GNAZ: variants seen among roughly 807,000 people sequenced by gnomAD.
GNAZ encodes the protein G protein subunit alpha z.
A neutral mutation model predicts 25.4 loss-of-function variants in GNAZ; 3 were observed. That is an observed-to-expected ratio of 0.12 (90% CI 0.05 to 0.30). The LOEUF is 0.30. Ranked by LOEUF, GNAZ falls within the 10% of genes least tolerant of loss-of-function variation. The pLI is 1.00. For synonymous variants in GNAZ, 211 were observed against 205.7 expected, an observed-to-expected ratio of 1.03 and a Z score of -0.22; for missense variants, 241 against 501.8, an observed-to-expected ratio of 0.48 and a Z score of 4.97.
intron 2 of GNAZ, among the ~76,000 whole-genome samples, chr22:23,099,211 C>G (rs891043868): frequency 2.0e-5 from 3 of 152,268 alleles, no homozygotes; most frequent in Non-Finnish European, 4.4e-5. Flanking sequence ...TGTCTCTGGG[C>G]TCCCGGGTGT....
intron 2 of GNAZ, among the ~76,000 whole-genome samples, chr22:23,104,999 C>T (rs533350907): frequency 3.3e-5 from 5 of 152,354 alleles, no homozygotes; most frequent in Admixed American, 6.5e-5. Flanking sequence ...TTAGGCCAGC[C>T]CAGGAGCCTG....
intron 2 of GNAZ, among the ~76,000 whole-genome samples, chr22:23,101,125 C>T (rs1158910214): frequency 6.6e-6 from 1 of 152,100 alleles, no homozygotes; most frequent in African/African-American, 2.4e-5. Context: ...CAGATGATAC[C>T]CTCTCCCCAG....
chr22:23,119,609 G>A (rs1189314891), intron 2 of GNAZ, among the ~76,000 whole-genome samples: 1 of 152,182 alleles, frequency 6.6e-6, no homozygotes, highest in Non-Finnish European at 1.5e-5. Flanking sequence ...TTACAGGATG[G>A]GCACCCACCA....
At chr22:23,093,555 G>A (rs765477469) in intron 1 of GNAZ, among the ~76,000 whole-genome samples, 8 of 152,288 alleles carry the variant, frequency 5.3e-5, no homozygotes, top group Middle Eastern at 3.4e-3. Context: ...GCAAGGTGAC[G>A]CTCACAGCGA....
At chr22:23,099,858 C>T (rs1179636571) in intron 2 of GNAZ, among the ~76,000 whole-genome samples, 1 of 152,260 alleles carries the variant, frequency 6.6e-6, no homozygotes, top group Non-Finnish European at 1.5e-5. Flanking sequence ...GGTCTTCACT[C>T]GGCCCCACTG....
chr22:23,101,842 A>T (rs2069310436), intron 2 of GNAZ, among the ~76,000 whole-genome samples: 1 of 152,194 alleles, frequency 6.6e-6, no homozygotes, highest in Non-Finnish European at 1.5e-5. Flanking sequence ...TGGGAGACAC[A>T]GAGGACCAAG....
chr22:23,091,877 G>T (rs1036227198), intron 1 of GNAZ, among the ~76,000 whole-genome samples: 4 of 152,138 alleles, frequency 2.6e-5, no homozygotes, highest in Non-Finnish European at 5.9e-5. Flanking sequence ...CTCTCCCTCA[G>T]TCCAGCCACT....
chr22:23,099,561 C>G (rs530929735), intron 2 of GNAZ, among the ~76,000 whole-genome samples: 2 of 152,336 alleles, frequency 1.3e-5, no homozygotes, highest in Middle Eastern at 3.4e-3. Flanking sequence ...TGTCACAGAT[C>G]GAGGCACTGA....
chr22:23,071,245 G>A lies in GNAZ; in HGVS notation c.-450+675G>A, dbSNP rs970920129. On this transcript the variant is annotated intron_variant, in intron 1 of 2. Coordinates refer to ENST00000615612, the MANE Select transcript of GNAZ (RefSeq NM_002073.4). This position sits in a 1 kb window ranked among gnomAD's most constrained non-coding sequence, Gnocchi z 4.1. ...GGGGGAGGGGAGTGAGGGCCTCAGG[G>A]CTGGCGCTCCGTATCCTGCGGGCGA... is the stretch of plus-strand genomic sequence containing the variant. 6.6e-6 allele frequency among the ~76,000 whole-genome samples: 1 copy of A among 152,180 alleles called. No homozygotes were observed. Among genetic ancestry groups the A allele is most frequent in the Non-Finnish European group, 1.5e-5 (1 of 68,026 alleles).
At chr22:23,118,413 G>A (rs552667469) in intron 2 of GNAZ, among the ~76,000 whole-genome samples, 2 of 152,354 alleles carry the variant, frequency 1.3e-5, no homozygotes, top group African/African-American at 2.4e-5. Flanking sequence ...ATGGGCACTG[G>A]AGCCCTGGGC....
intron 1 of GNAZ, among the ~76,000 whole-genome samples, chr22:23,091,640 A>G (rs2068982807): frequency 1.3e-5 from 2 of 152,188 alleles, no homozygotes. Context: ...ACCTGCATAC[A>G]CACTGGCACC....
chr22:23,114,405 C>T (rs963051372), intron 2 of GNAZ, among the ~76,000 whole-genome samples: 1 of 152,226 alleles, frequency 6.6e-6, no homozygotes, highest in African/African-American at 2.4e-5. Context: ...CCACCCTTCC[C>T]AGCAATGCGG....
chr22:23,080,850 C>T (rs529699712), intron 1 of GNAZ, among the ~76,000 whole-genome samples: 1 of 152,352 alleles, frequency 6.6e-6, no homozygotes, highest in East Asian at 1.9e-4. Flanking sequence ...CCTCTGTCAT[C>T]AGCACTCACT....
intron 2 of GNAZ, among the ~76,000 whole-genome samples, chr22:23,120,296 C>T (rs991348746): frequency 2.6e-5 from 4 of 152,116 alleles, no homozygotes; most frequent in Non-Finnish European, 4.4e-5. Flanking sequence ...CCAGGACTCA[C>T]GGGGGCCACA....
At chr22:23,100,698 A>C (rs1431855996) in intron 2 of GNAZ, among the ~76,000 whole-genome samples, 1 of 152,228 alleles carries the variant, frequency 6.6e-6, no homozygotes, top group African/African-American at 2.4e-5. Flanking sequence ...GGCCTGGCAC[A>C]CAGTGGGTGC....
At chr22:23,101,084 G>A (rs1307636940) in intron 2 of GNAZ, among the ~76,000 whole-genome samples, 1 of 152,208 alleles carries the variant, frequency 6.6e-6, no homozygotes, top group Non-Finnish European at 1.5e-5. Flanking sequence ...TTTGCCCAAG[G>A]AGGGAATTAC....
chr22:23,090,647 C>T (rs1476238348), intron 1 of GNAZ, among the ~76,000 whole-genome samples: 3 of 152,210 alleles, frequency 2.0e-5, no homozygotes, highest in Non-Finnish European at 4.4e-5. Flanking sequence ...GTTCCCTCAT[C>T]CCTGATGCCT....
At chr22:23,108,158 A>G (rs1183141496) in intron 2 of GNAZ, among the ~76,000 whole-genome samples, 1 of 152,126 alleles carries the variant, frequency 6.6e-6, no homozygotes, top group Non-Finnish European at 1.5e-5. Context: ...GGCAATCCCA[A>G]CCCCTGCCCC....
At chr22:23,102,034 A>C (rs781530723) in intron 2 of GNAZ, among the ~76,000 whole-genome samples, 1 of 152,192 alleles carries the variant, frequency 6.6e-6, no homozygotes, top group Non-Finnish European at 1.5e-5. Context: ...GGCTGGGCAC[A>C]CACCTATAGC....
Sources: allele counts gnomAD v4.1 joint callset (sites outside exome capture counted in the v4.1 genomes callset), GRCh38; gene constraint gnomAD v4.1.1; non-coding constraint Gnocchi (gnomAD v3.1); transcripts MANE v1.5; gene names NCBI Gene and HGNC (gene_info 2026-07-23, HGNC 2026-07-21).